The following RNF144B variants were observed in gnomAD, a reference collection of about 807,000 sequenced individuals.
RNF144B encodes ring finger protein 144B, also known as E3 ubiquitin-protein ligase RNF144B.
Under a neutral mutation model 40.2 loss-of-function variants are expected in RNF144B, and 25 were observed. The ratio of observed to expected loss-of-function variants is 0.62; its 90% CI spans 0.45 to 0.87. The LOEUF (loss-of-function observed/expected upper bound fraction) is 0.87, where lower values mean the gene tolerates loss of function less well. Among genes scored for constraint, RNF144B ranks in the 40% least tolerant of loss-of-function variants. The probability of loss-of-function intolerance (pLI) is 0.00; values close to 1 mark genes in which losing one functional copy is unlikely to be tolerated. For synonymous variants in RNF144B, 145 were observed against 136.3 expected (o/e 1.06, Z -0.44); for missense variants, 365 against 373.7 (o/e 0.98, Z 0.19).
At chr6:18,396,375 A>T (rs4716240) in intron 1 of RNF144B, 126,493 of 955,448 alleles carry the variant, frequency 0.13, 8,691 homozygotes, top group East Asian at 0.23. Context: ...TTGTTTTTCA[A>T]GAGTACATTA....
chr6:18,430,252 C>A (rs972549859), intron 3 of RNF144B, among the ~76,000 whole-genome samples: 1 of 152,120 alleles, frequency 6.6e-6, no homozygotes, highest in African/African-American at 2.4e-5. Flanking sequence ...CTAATGGTTA[C>A]CAGACCGGAC....
rs1252437777 is a variant in RNF144B at position 18,441,965 on chromosome 6, T to C, written c.331+2221T>C. On this transcript the variant is annotated intron_variant, in intron 4 of 7. Transcript: ENST00000259939. This position sits in a 1 kb window ranked among gnomAD's most constrained non-coding sequence, Gnocchi z 4.9. Reference sequence around the variant, plus strand: ...TCTCAATGTTCTTCTCCTGTACACTTTTTTCCCAAAGAGGTAATCATACCG... The same window carrying C: ...TCTCAATGTTCTTCTCCTGTACACTCTTTTCCCAAAGAGGTAATCATACCG... Among the ~76,000 whole-genome samples the C allele has an allele frequency of 1.3e-5, 2 of 152,232 alleles. No individual in the cohort carries two copies. The highest frequency in any genetic ancestry group is 2.9e-5 in the Non-Finnish European group (2 of 68,044).
intron 3 of RNF144B, among the ~76,000 whole-genome samples, chr6:18,436,690 T>C (rs1582430827): frequency 1.3e-5 from 2 of 152,310 alleles, no homozygotes; most frequent in African/African-American, 2.4e-5. Flanking sequence ...GATTGTCAGG[T>C]GTAGCAGTCA....
At position 18,448,708 on chromosome 6, in the gene RNF144B, A is replaced by G. The variant is rs940253699; in HGVS notation, c.332-8447A>G. ...AGCATGCACACACACACACACACAC[A>G]CACACACACCCCACCCCCAAGATAG... On this transcript the variant is annotated intron_variant, in intron 4 of 7. Coordinates refer to ENST00000259939, the MANE Select transcript of RNF144B (RefSeq NM_182757.4). This position sits in a 1 kb window ranked among gnomAD's most constrained non-coding sequence, Gnocchi z 4.0. Among the ~76,000 whole-genome samples the G allele has an allele frequency of 7.3e-5, 11 of 151,290 alleles. No homozygotes were observed. Among genetic ancestry groups the G allele is most frequent in the African/African-American group, 2.4e-4 (10 of 41,244 alleles).
At chr6:18,408,368 C>T (rs1794959040) in intron 2 of RNF144B, among the ~76,000 whole-genome samples, 1 of 152,144 alleles carries the variant, frequency 6.6e-6, no homozygotes, top group African/African-American at 2.4e-5. Flanking sequence ...TTTAACCAGC[C>T]AAATTGTTTT....
chr6:18,460,934 C>T lies in RNF144B; in HGVS notation c.681+1183C>T, dbSNP rs370402905. On this transcript the variant is annotated intron_variant, in intron 6 of 7. Coordinates refer to ENST00000259939, the MANE Select transcript of RNF144B (RefSeq NM_182757.4). This position sits in a 1 kb window ranked among gnomAD's most constrained non-coding sequence, Gnocchi z 4.4. ...GACCTCTAAAATATGTCCATATCAG[C>T]GTAAGCCCTCAGTTACCATTGAGTT... Among the ~76,000 whole-genome samples the T allele has an allele frequency of 2.6e-5, 4 of 152,316 alleles. No homozygotes were observed. The highest frequency in any genetic ancestry group is 1.9e-4 in the East Asian group (1 of 5,190).
rs199845836 is a variant in RNF144B at position 18,459,559 on chromosome 6, A to G, written c.537-48A>G. ...AACCATCAGGAGCCCTGGGAATTCA[A>G]CTGATGACCATCAGCTGAATGCCAT... On this transcript the variant is annotated intron_variant, in intron 5 of 7. Coordinates refer to ENST00000259939, the MANE Select transcript of RNF144B (RefSeq NM_182757.4). The surrounding 1 kb of genome is among the most constrained non-coding windows in gnomAD (Gnocchi z 4.2). 5.7e-5 allele frequency: 90 copies of G among 1,587,880 alleles called. No homozygotes were observed. Among genetic ancestry groups the G allele is most frequent in the East Asian group, 2.2e-5 (1 of 44,514 alleles).
intron 6 of RNF144B, among the ~76,000 whole-genome samples, chr6:18,461,090 G>A (rs540441591): frequency 6.4e-4 from 98 of 152,228 alleles, no homozygotes; most frequent in Admixed American, 2.2e-3. Flanking sequence ...CATCAAGCAG[G>A]CCACCACCTG....
intron 3 of RNF144B, among the ~76,000 whole-genome samples, chr6:18,433,794 T>G (rs1223176603): frequency 6.6e-6 from 1 of 152,218 alleles, no homozygotes; most frequent in Non-Finnish European, 1.5e-5. Flanking sequence ...CTTCAGCTTG[T>G]TAGTTTCACT....
Position 18,399,509 on chromosome 6 carries a change from G to C in RNF144B, c.-26G>C. 6.2e-7 allele frequency: 1 copy of C among 1,612,344 alleles called. No individual in the cohort carries two copies. The highest frequency in any genetic ancestry group is 8.5e-7 in the Non-Finnish European group (1 of 1,178,816). ...TGGACCTTTCTATAGGGATTGAGGA[G>C]ACTGAAGAATGCTGAAGACAGGCTG... On this transcript the variant is annotated 5_prime_UTR_variant, in exon 2 of 8. Transcript: ENST00000259939.
intron 3 of RNF144B, among the ~76,000 whole-genome samples, chr6:18,438,367 AT>A (rs567419692): frequency 6.6e-6 from 1 of 151,886 alleles, no homozygotes; most frequent in South Asian, 2.1e-4. Context: ...ATTGCGCATA[AT>A]TTTTTTTGTA....
At chr6:18,463,875 G>A (rs1759521032) in intron 7 of RNF144B, among the ~76,000 whole-genome samples, 1 of 152,142 alleles carries the variant, frequency 6.6e-6, no homozygotes, top group South Asian at 2.1e-4. Flanking sequence ...GTCTTAAATG[G>A]TGGCAGGCAA....
intron 7 of RNF144B, among the ~76,000 whole-genome samples, chr6:18,463,608 T>C (rs558795847): frequency 6.6e-6 from 1 of 152,340 alleles, no homozygotes; most frequent in South Asian, 2.1e-4. Flanking sequence ...GCACCAGAGC[T>C]GCCAGGCAGT....
In RNF144B at chr6:18,419,364, T is replaced by G. The variant is rs1263764984; in HGVS notation, c.166-8217T>G. ...GGAACCACTGGCCTTTTGGGATATA[T>G]TCTCCTGAGAGCAAATAGGCAGTGG... On this transcript the variant is annotated intron_variant, in intron 2 of 7. Coordinates refer to ENST00000259939, the MANE Select transcript of RNF144B (RefSeq NM_182757.4). The surrounding 1 kb of genome is among the most constrained non-coding windows in gnomAD (Gnocchi z 4.6). 2.0e-5 allele frequency among the ~76,000 whole-genome samples: 3 copies of G among 152,178 alleles called. No individual in the cohort carries two copies. The highest frequency in any genetic ancestry group is 2.0e-4 in the Admixed American group (3 of 15,260).
At chr6:18,389,162 A>G (rs908569557) in intron 1 of RNF144B, among the ~76,000 whole-genome samples, 1 of 152,188 alleles carries the variant, frequency 6.6e-6, no homozygotes, top group African/African-American at 2.4e-5. Flanking sequence ...CTGAGTCCCA[A>G]AGAACATTCT....
Position 18,463,355 on chromosome 6 carries a change from C to A in RNF144B, c.746C>A (p.Ala249Glu), listed in dbSNP as rs1287973678. Residue 249 changes from alanine (A) to glutamate (E), a missense_variant, in exon 7 of 8, where the codon GCA (alanine) becomes GAA (glutamate). Ala to Glu is a moderately radical substitution (Grantham distance 107). Transcript: ENST00000259939. ...PCRNKLGHSR[A>E]SVMWNRTQVV... ...AGGAATAAACTTGGCCACTCAAGAG[C>A]ATCAGTGATGTGGAACCGAACACAG... is the stretch of plus-strand genomic sequence containing the variant. 9.3e-6 allele frequency: 15 copies of A among 1,609,822 alleles called. No individual in the cohort carries two copies. The highest frequency in any genetic ancestry group is 1.3e-5 in the Non-Finnish European group (15 of 1,176,222).
intron 1 of RNF144B, among the ~76,000 whole-genome samples, chr6:18,388,182 G>T (rs796493811): frequency 1.3e-5 from 2 of 152,266 alleles, no homozygotes; most frequent in Admixed American, 6.5e-5. Flanking sequence ...TTCACATAAA[G>T]ATTTCCCAGA....
chr6:18,420,542 A>G (rs1366805788), intron 2 of RNF144B, among the ~76,000 whole-genome samples: 4 of 152,170 alleles, frequency 2.6e-5, no homozygotes, highest in African/African-American at 4.8e-5. Flanking sequence ...TACATTGCTC[A>G]TGTGTACAAT....
intron 2 of RNF144B, among the ~76,000 whole-genome samples, chr6:18,421,690 TG>T (rs1247721056): frequency 2.0e-5 from 3 of 152,074 alleles, no homozygotes; most frequent in Non-Finnish European, 2.9e-5. Context: ...AAACATAAAA[TG>T]GGGAAAATCT....
Sources: gnomAD v4.1 joint callset for allele counts (sites outside exome capture counted in the v4.1 genomes callset) on GRCh38, gnomAD v4.1.1 for gene constraint, Gnocchi (gnomAD v3.1) non-coding constraint, MANE v1.5 for transcripts, NCBI Gene and HGNC (gene_info 2026-07-23, HGNC 2026-07-21) for gene names.